Variants in WDR72 observed in about 807,000 individuals in gnomAD.
The protein encoded by WDR72 is WD repeat domain 72, also known as WD repeat-containing protein 72.
WDR72 carries 120 observed loss-of-function variants against 124.2 expected under a neutral mutation model. That is an observed-to-expected ratio of 0.97 (90% confidence interval 0.83 to 1.12). WDR72 has a LOEUF of 1.12. WDR72 is among the 50% of genes most tolerant of loss of function. The probability of loss-of-function intolerance (pLI) is 0.00; values close to 1 mark genes in which losing one functional copy is unlikely to be tolerated. For synonymous variants in WDR72, 452 were observed against 441.7 expected (o/e 1.02, Z -0.29); for missense variants, 1,387 against 1,278.8 (o/e 1.08, Z -1.29).
intron 9 of WDR72, among the ~76,000 whole-genome samples, chr15:53,709,234 T>C (rs1434185178): frequency 6.6e-6 from 1 of 152,238 alleles, no homozygotes; most frequent in Non-Finnish European, 1.5e-5. Context: ...TCTGACTTTA[T>C]GCCCTGGATA....
chr15:53,736,359 A>T (rs1382219454), intron 1 of WDR72, among the ~76,000 whole-genome samples: 4 of 152,154 alleles, frequency 2.6e-5, no homozygotes, highest in Non-Finnish European at 4.4e-5. Context: ...TGTAAGGTGC[A>T]GCCTCCAAGG....
Position 53,719,659 on chromosome 15 carries a change from G to A in WDR72, c.261-2974C>T, listed in dbSNP as rs545424225. On this transcript the variant is annotated intron_variant, in intron 3 of 19. Coordinates refer to ENST00000360509, the MANE Select transcript of WDR72 (RefSeq NM_182758.4). ...CTCACGCTCCCAAATGTGGGTACTTGCTACTTCAAATATGGGCTCTGGGCC... is the reference window on the plus strand; with the variant it reads ...CTCACGCTCCCAAATGTGGGTACTTACTACTTCAAATATGGGCTCTGGGCC... 8.3e-4 allele frequency among the ~76,000 whole-genome samples: 126 copies of A among 152,154 alleles called. 1 individual carries two copies. Among genetic ancestry groups the A allele is most frequent in the Admixed American group, 1.3e-3 (20 of 15,274 alleles).
At chr15:53,583,515 G>A (rs1353208290) in intron 18 of WDR72, among the ~76,000 whole-genome samples, 1 of 151,958 alleles carries the variant, frequency 6.6e-6, no homozygotes, top group East Asian at 1.9e-4. Flanking sequence ...AACCACTATG[G>A]TGTCTGATGT....
intron 11 of WDR72, among the ~76,000 whole-genome samples, chr15:53,703,428 T>A (rs1054452290): frequency 6.6e-6 from 1 of 151,438 alleles, no homozygotes; most frequent in Non-Finnish European, 1.5e-5. Flanking sequence ...GTTAAATTAA[T>A]CTGCCTTTTC....
At chr15:53,681,860 T>C (rs189984459) in intron 13 of WDR72, among the ~76,000 whole-genome samples, 44 of 151,976 alleles carry the variant, frequency 2.9e-4, no homozygotes, top group Admixed American at 2.4e-3. Flanking sequence ...CATCCACAAA[T>C]ACCTGTGTGT....
chr15:53,726,264 G>GTGTGTA (rs1555428779), intron 2 of WDR72, among the ~76,000 whole-genome samples: 5 of 110,352 alleles, frequency 4.5e-5, no homozygotes, highest in African/African-American at 1.8e-4. Context: ...ATGTATGTGT[G>GTGTGTA]TATATATATA....
intron 3 of WDR72, among the ~76,000 whole-genome samples, chr15:53,720,001 A>G (rs1027880190): frequency 1.6e-4 from 25 of 152,232 alleles, no homozygotes; most frequent in Admixed American, 5.9e-4. Flanking sequence ...ATATAGTCAT[A>G]CCAACCTTAT....
rs139071693 is a variant in WDR72 at position 53,570,449 on chromosome 15, A to G, written c.3148+26630T>C. On this transcript the variant is annotated intron_variant, in intron 18 of 19. Coordinates refer to ENST00000360509, the MANE Select transcript of WDR72 (RefSeq NM_182758.4). Reference sequence around the variant, plus strand: ...AAAGGACATGAACAGACACTTCTCAAAAGAAGACATACAGGTGGCCAATAA... The same window carrying G: ...AAAGGACATGAACAGACACTTCTCAGAAGAAGACATACAGGTGGCCAATAA... 5.0e-3 allele frequency among the ~76,000 whole-genome samples: 757 copies of G among 152,254 alleles called. 1 individual carries two copies. The highest frequency in any genetic ancestry group is 0.018 in the African/African-American group (728 of 41,576).
At chr15:53,715,453 G>A (rs1450016631) in intron 4 of WDR72, 86 bp from the exon 5 acceptor site, 2 of 1,507,744 alleles carry the variant, frequency 1.3e-6, no homozygotes, top group East Asian at 4.7e-5. Flanking sequence ...CTAGACTTTA[G>A]TTTTAGCATA....
intron 18 of WDR72, among the ~76,000 whole-genome samples, chr15:53,541,419 T>G (rs1336492067): frequency 2.6e-5 from 4 of 151,550 alleles, no homozygotes; most frequent in African/African-American, 7.3e-5. Flanking sequence ...CCAACAGACC[T>G]GCAGCTGAGG....
intron 16 of WDR72, among the ~76,000 whole-genome samples, chr15:53,609,978 C>T (rs1441189913): frequency 6.6e-6 from 1 of 152,044 alleles, no homozygotes; most frequent in Non-Finnish European, 1.5e-5. Context: ...GACAGATCAC[C>T]AAATCTTACA....
At chr15:53,549,914 G>A (rs1893658691) in intron 18 of WDR72, among the ~76,000 whole-genome samples, 1 of 152,156 alleles carries the variant, frequency 6.6e-6, no homozygotes, top group Admixed American at 6.5e-5. Flanking sequence ...GGGTTTCCCA[G>A]AGTTATTTTG....
Position 53,575,270 on chromosome 15 carries a change from G to A in WDR72, c.3148+21809C>T, listed in dbSNP as rs113679190. ...TGTAAATGTAGACTTAATCTCTGAT[G>A]TTCATGGGAAGTGATTCATGGCTAG... On this transcript the variant is annotated intron_variant, in intron 18 of 19. Transcript: ENST00000360509. Among the ~76,000 whole-genome samples the A allele has an allele frequency of 1.6e-4, 24 of 152,154 alleles. 2 individuals carry two copies. The highest frequency in any genetic ancestry group is 5.8e-4 in the African/African-American group (24 of 41,528).
chr15:53,653,286 A>C (rs1402799355), intron 14 of WDR72, among the ~76,000 whole-genome samples: 2 of 152,208 alleles, frequency 1.3e-5, no homozygotes, highest in African/African-American at 4.8e-5. Context: ...TTCATGATAA[A>C]GTTATAAAAT....
At position 53,618,697 on chromosome 15, in the gene WDR72, C is replaced by T. The variant is rs185816009; in HGVS notation, c.1963-2454G>A. On this transcript the variant is annotated intron_variant, in intron 14 of 19. Coordinates refer to ENST00000360509, the MANE Select transcript of WDR72 (RefSeq NM_182758.4). ...TTTTCTCTCTGCTGTTTGATGAGAT[C>T]CTTTTGGCTTTAATATTCCACTGCC... Among the ~76,000 whole-genome samples the T allele has an allele frequency of 1.9e-4, 29 of 152,032 alleles. No homozygotes were observed. In the East Asian group the frequency reaches 5.0e-3, roughly 26 times the overall value.
intron 14 of WDR72, among the ~76,000 whole-genome samples, chr15:53,644,034 T>C (rs1045701104): frequency 2.0e-5 from 3 of 152,138 alleles, no homozygotes; most frequent in Non-Finnish European, 4.4e-5. Context: ...CAAGCTAATA[T>C]TGTTATCTAT....
chr15:53,515,043 A>G lies in WDR72; in HGVS notation c.*2656T>C, dbSNP rs1427422653. 3 of 146,696 alleles carry G rather than the reference A, an allele frequency of 2.0e-5. No individual in the cohort carries two copies. The highest frequency in any genetic ancestry group is 3.0e-5 in the Non-Finnish European group (2 of 66,626). The allele number at this position is 146,696 out of a possible 1,614,324, so 9.1% of individuals were successfully genotyped here. On this transcript the variant is annotated 3_prime_UTR_variant, in exon 20 of 20. Transcript: ENST00000360509. ...TATATATACACACATATATATGTGT[A>G]TATATATGTGTGTATATATATACAC... is the stretch of plus-strand genomic sequence containing the variant.
At chr15:53,755,577 A>AGTGG (rs1307738006) in intron 1 of WDR72, among the ~76,000 whole-genome samples, 1 of 152,234 alleles carries the variant, frequency 6.6e-6, no homozygotes, top group Non-Finnish European at 1.5e-5. Context: ...TGGTTTGGGA[A>AGTGG]GTGGCAGTTA....
At chr15:53,670,624 T>C (rs11635030) in intron 13 of WDR72, among the ~76,000 whole-genome samples, 33,693 of 152,200 alleles carry the variant, frequency 0.22, 3,914 homozygotes, top group East Asian at 0.28. Flanking sequence ...TTACCTTTGA[T>C]AGCTGTGTGG....
Sources: allele counts gnomAD v4.1 joint callset (sites outside exome capture counted in the v4.1 genomes callset), GRCh38; gene constraint gnomAD v4.1.1; transcripts MANE v1.5; gene names NCBI Gene and HGNC (gene_info 2026-07-23, HGNC 2026-07-21).